Variants in MRPS10 observed in about 807,000 individuals in gnomAD.
MRPS10 encodes the protein mitochondrial ribosomal protein S10.
In MRPS10, 23 loss-of-function variants were observed where a neutral mutation model predicts 27.5. The observed-to-expected ratio is 0.84, with a 90% confidence interval of 0.60 to 1.18. The LOEUF (loss-of-function observed/expected upper bound fraction) is 1.18, where lower values mean the gene tolerates loss of function less well. MRPS10 is among the 50% of genes most tolerant of loss of function. The probability of loss-of-function intolerance (pLI) is 0.00; values close to 1 mark genes in which losing one functional copy is unlikely to be tolerated. For synonymous variants in MRPS10, 88 were observed against 84.2 expected, an observed-to-expected ratio of 1.04 and a Z score of -0.25; for missense variants, 237 against 240.1, an observed-to-expected ratio of 0.99 and a Z score of 0.09.
chr6:42,210,365 C>T (rs143126883), intron 5 of MRPS10, 123 bp downstream of exon 5: 9,289 of 407,062 alleles, frequency 0.023, 163 homozygotes, highest in Non-Finnish European at 0.028. Context: ...TATTTACCTT[C>T]TGTACAACCA....
rs760650875 is a variant in MRPS10 at position 42,208,933 on chromosome 6, AG to A, written c.446del (p.Thr149MetfsTer24). On this transcript the variant is annotated frameshift_variant, in exon 6 of 7. Transcript: ENST00000053468. LOFTEE classifies it high-confidence loss of function. ...CCAAGTAGACATCTGCTGTGCTTCC[AG>A]TTAGATGTTCTAACTAAAACATCAA... ...LYRCLELEHL[T>X]GSTADVYLEY... 3.1e-6 allele frequency: 5 copies of A among 1,608,156 alleles called. No individual in the cohort carries two copies. Among genetic ancestry groups the A allele is most frequent in the Non-Finnish European group, 3.4e-6 (4 of 1,175,564 alleles).
Position 42,214,279 on chromosome 6 carries a change from C to T in MRPS10, c.113+1G>A, listed in dbSNP as rs149847491. 3 of 1,612,216 alleles carry T rather than the reference C, an allele frequency of 1.9e-6. No individual in the cohort carries two copies. Among genetic ancestry groups the T allele is most frequent in the Non-Finnish European group, 2.5e-6 (3 of 1,178,878 alleles). On this transcript the variant is annotated splice_donor_variant, in intron 2 of 6. Transcript: ENST00000053468. LOFTEE classifies it high-confidence loss of function. ...TTTAGCACATCCAATTGTATACTTA[C>T]AGAAGCAAGCCACCATTTTTGGCTG... is the stretch of plus-strand genomic sequence containing the variant.
intron 3 of MRPS10, among the ~76,000 whole-genome samples, chr6:42,212,184 A>G (rs1438187406): frequency 1.3e-5 from 2 of 152,220 alleles, no homozygotes; most frequent in Admixed American, 6.5e-5. Context: ...CCAACTTAAA[A>G]TAACGATTCA....
In MRPS10 at chr6:42,208,236, T is replaced by C. The variant is rs1768663849; in HGVS notation, c.*53A>G. 1 of 1,306,476 alleles carries C rather than the reference T, an allele frequency of 7.7e-7. No homozygotes were observed. Among genetic ancestry groups the C allele is most frequent in the African/African-American group, 1.5e-5 (1 of 68,500 alleles). The allele number at this position is 1,306,476 out of a possible 1,614,324, so 80.9% of individuals were successfully genotyped here. Reference sequence around the variant, plus strand: ...GGAAGCACTCTCCACTTAAACATACTCATCTGGCCCACCCTCATTTCAAAT... The same window carrying C: ...GGAAGCACTCTCCACTTAAACATACCCATCTGGCCCACCCTCATTTCAAAT... On this transcript the variant is annotated 3_prime_UTR_variant, in exon 7 of 7. Coordinates refer to ENST00000053468, the MANE Select transcript of MRPS10 (RefSeq NM_018141.4).
intron 3 of MRPS10, among the ~76,000 whole-genome samples, chr6:42,213,180 G>A (rs370607986): frequency 4.5e-4 from 69 of 152,316 alleles, no homozygotes; most frequent in African/African-American, 1.6e-3. Flanking sequence ...CAGGTGTGGT[G>A]GCTCATGCCT....
chr6:42,211,868 A>G lies in MRPS10; in HGVS notation c.236T>C (p.Leu79Ser). 1 of 1,613,946 alleles carries G rather than the reference A, an allele frequency of 6.2e-7. No individual in the cohort carries two copies. The change falls in exon 4 of 7, where the codon TTG becomes TCG. Residue 79 changes from leucine to serine, a missense_variant. By Grantham distance (145) the Leu-to-Ser change is moderately radical. Around this residue, in one of 3 missense-constraint regions of MRPS10, gnomAD observed 164 missense variants for 137.8 expected, o/e 1.19. Coordinates refer to ENST00000053468, the MANE Select transcript of MRPS10 (RefSeq NM_018141.4). ...TACAGCCTTATCGTGACCTTTCACC[A>G]AAACCGAGAGGCGCTTATATAATAT... ...PDILYKRLSV[L>S]VKGHDKAVLD... is the part of the protein sequence containing the mutation.
intron 1 of MRPS10, among the ~76,000 whole-genome samples, chr6:42,216,385 A>AGAGAGTGTGTGTGTGTGT: frequency 8.5e-5 from 5 of 58,698 alleles, no homozygotes; most frequent in African/African-American, 2.2e-4. Flanking sequence ...AGAGAGAGAG[A>AGAGAGTGTGTGTGTGTGT]GTGTGTGTGT....
At chr6:42,211,471 A>G (rs1411530126) in intron 4 of MRPS10, among the ~76,000 whole-genome samples, 1 of 152,192 alleles carries the variant, frequency 6.6e-6, no homozygotes, top group African/African-American at 2.4e-5. Context: ...GCCTGAGCTC[A>G]GGAGTTCGAG....
At chr6:42,211,698 A>G (rs1228428365) in intron 4 of MRPS10, 83 bp downstream of exon 4, 11 of 1,172,308 alleles carry the variant, frequency 9.4e-6, no homozygotes, top group South Asian at 1.6e-5. Flanking sequence ...AAAAGAGTTC[A>G]GACCTTCCTG....
intron 2 of MRPS10, 38 bp from the exon 3 acceptor site, chr6:42,214,230 A>G (rs1768857990): frequency 1.2e-6 from 2 of 1,606,696 alleles, no homozygotes; most frequent in African/African-American, 1.3e-5. Flanking sequence ...TAAGTAAAAT[A>G]GCACAAGAAC....
intron 1 of MRPS10, among the ~76,000 whole-genome samples, chr6:42,215,680 G>A (rs373575680): frequency 4.5e-4 from 69 of 152,252 alleles, no homozygotes; most frequent in African/African-American, 1.6e-3. Flanking sequence ...TCCAGCCTCA[G>A]TGTCCCAAAG....
In MRPS10 at chr6:42,211,804, T is replaced by C. The variant is rs1396271127; in HGVS notation, c.300A>G (p.Lys100=). 8 of 1,613,762 alleles carry C rather than the reference T, an allele frequency of 5.0e-6. No homozygotes were observed. The highest frequency in any genetic ancestry group is 6.8e-6 in the Non-Finnish European group (8 of 1,179,934). Residue 100 remains lysine, a synonymous_variant, in exon 4 of 7, where the codon AAA becomes AAG. Transcript: ENST00000053468. ...SYEYFAVLAA[K]ELGISIKVHE... ...ACACTTTAATAGAGATACCAAGTTCTTTAGCAGCAAGCACAGCAAAATATT... is the reference window on the plus strand; with the variant it reads ...ACACTTTAATAGAGATACCAAGTTCCTTAGCAGCAAGCACAGCAAAATATT...
rs763994848 is a variant in MRPS10 at position 42,216,383 on chromosome 6, A to AGTGTGTGTGTGTGTGTGT, written c.48+1418_48+1419insACACACACACACACACAC. Among the ~76,000 whole-genome samples the AGTGTGTGTGTGTGTGTGT allele has an allele frequency of 6.4e-3, 295 of 46,180 alleles. 1 individual carries two copies. Among genetic ancestry groups the AGTGTGTGTGTGTGTGTGT allele is most frequent in the African/African-American group, 0.01 (201 of 19,526 alleles). 30.3% of individuals were successfully genotyped at this position (46,180 alleles called of 152,430 possible). The stretch of plus-strand genomic sequence containing the variant: ...TTGAGAGAGAGAGAGAGAGAGAGAG[A>AGTGTGTGTGTGTGTGTGT]GAGTGTGTGTGTGTGTGTGTGTGTG... On this transcript the variant is annotated intron_variant, in intron 1 of 6. Transcript: ENST00000053468.
chr6:42,216,026 CTTT>C lies in MRPS10; in HGVS notation c.49-1685_49-1683del, dbSNP rs34985131. On this transcript the variant is annotated intron_variant, in intron 1 of 6. Transcript: ENST00000053468. ...TTTTCTTTTCTTTTTTTTTTCTTTT[CTTT>C]TTTTTTTTTTTTTTGAGAGAGTCTT... Among the ~76,000 whole-genome samples the C allele has an allele frequency of 1.9e-4, 11 of 56,992 alleles. No individual in the cohort carries two copies. The South Asian group carries it at 3.8e-3, about 20-fold the overall frequency. 37.4% of individuals were successfully genotyped at this position (56,992 alleles called of 152,430 possible). A position where few individuals can be genotyped will look rare whatever the true frequency, so the allele number is the denominator to read the frequency against.
chr6:42,214,517 TA>T lies in MRPS10; in HGVS notation c.49-174del, dbSNP rs925296568. On this transcript the variant is annotated intron_variant, in intron 1 of 6. Coordinates refer to ENST00000053468, the MANE Select transcript of MRPS10 (RefSeq NM_018141.4). The stretch of plus-strand genomic sequence containing the variant: ...AAGAGGACAATGGTAGAGCTGATGA[TA>T]AAAAAAAAAGCAGTCTCAAAATACT... 5.0e-3 allele frequency among the ~76,000 whole-genome samples: 727 copies of T among 145,096 alleles called. 8 individuals carry two copies. The highest frequency in any genetic ancestry group is 0.016 in the African/African-American group (633 of 39,362).
Sources: gnomAD v4.1 joint callset for allele counts (sites outside exome capture counted in the v4.1 genomes callset) on GRCh38, gnomAD v4.1.1 for gene constraint, gnomAD v4.1.1 regional missense constraint, MANE v1.5 for transcripts, NCBI Gene and HGNC (gene_info 2026-07-23, HGNC 2026-07-21) for gene names.